GLIS1: variants seen among roughly 807,000 people sequenced by gnomAD.
The protein encoded by GLIS1 is zinc finger protein GLIS1.
GLIS1 carries 24 observed loss-of-function variants against 63.8 expected under a neutral mutation model. The observed-to-expected ratio is 0.38, with a 90% CI of 0.27 to 0.53. GLIS1 has a LOEUF of 0.53. GLIS1 is among the 20% of genes least tolerant of loss of function. The pLI, the probability that GLIS1 is intolerant of heterozygous loss-of-function variation, is 0.85. For synonymous variants in GLIS1, 450 were observed against 482.5 expected (o/e 0.93, Z 0.88); for missense variants, 1,036 against 1,074.1 (o/e 0.96, Z 0.50).
intron 2 of GLIS1, among the ~76,000 whole-genome samples, chr1:53,693,332 T>C (rs6658245): frequency 0.25 from 38,418 of 152,090 alleles, 5,218 homozygotes; most frequent in African/African-American, 0.36. Flanking sequence ...AGGCCACCAA[T>C]ATGGCCAACT....
At chr1:53,591,159 G>A (rs1295088190) in intron 4 of GLIS1, among the ~76,000 whole-genome samples, 1 of 152,212 alleles carries the variant, frequency 6.6e-6, no homozygotes, top group East Asian at 1.9e-4. Context: ...TACAGTGCAT[G>A]GTAGCAGAGG....
intron 1 of GLIS1, among the ~76,000 whole-genome samples, chr1:53,738,340 C>T (rs1015804358): frequency 6.6e-6 from 1 of 152,306 alleles, no homozygotes; most frequent in Middle Eastern, 3.4e-3. Flanking sequence ...CAGGCCCCCG[C>T]GCCGCGGCGC....
At chr1:53,719,055 C>T (rs574960285) in intron 2 of GLIS1, among the ~76,000 whole-genome samples, 1 of 152,314 alleles carries the variant, frequency 6.6e-6, no homozygotes, top group South Asian at 2.1e-4. Flanking sequence ...CACTTCCAGC[C>T]TCTCTCCTCT....
At chr1:53,529,706 G>A (rs1644508868) in intron 5 of GLIS1, 85 bp downstream of exon 5, 1 of 1,408,160 alleles carries the variant, frequency 7.1e-7, no homozygotes. Flanking sequence ...GGGGCTACAG[G>A]GTAAGGCAGG....
intron 3 of GLIS1, among the ~76,000 whole-genome samples, chr1:53,597,899 C>A (rs1645275557): frequency 8.2e-6 from 1 of 122,274 alleles, no homozygotes; most frequent in Non-Finnish European, 1.9e-5. Flanking sequence ...TTCTGACTAT[C>A]TCTAGCAAAA....
intron 4 of GLIS1, among the ~76,000 whole-genome samples, chr1:53,556,946 T>C (rs941937069): frequency 1.3e-5 from 2 of 151,618 alleles, no homozygotes; most frequent in African/African-American, 4.9e-5. Flanking sequence ...GGTATGTGTG[T>C]GTGTGTGCAG....
chr1:53,533,013 C>G (rs567284896), intron 4 of GLIS1, among the ~76,000 whole-genome samples: 1 of 152,262 alleles, frequency 6.6e-6, no homozygotes, highest in African/African-American at 2.4e-5. Context: ...ACGCTCCACG[C>G]GTGATCTGCA....
intron 2 of GLIS1, among the ~76,000 whole-genome samples, chr1:53,720,081 C>T (rs1327793615): frequency 2.0e-5 from 3 of 152,174 alleles, no homozygotes; most frequent in Non-Finnish European, 4.4e-5. Context: ...GAGTCTGAGG[C>T]AGGAGAATTG....
At chr1:53,678,354 G>C (rs1646238769) in intron 2 of GLIS1, among the ~76,000 whole-genome samples, 1 of 132,418 alleles carries the variant, frequency 7.6e-6, no homozygotes, top group Non-Finnish European at 1.6e-5. Flanking sequence ...GGGCAGGGGG[G>C]AGCGGGGTCA....
chr1:53,685,346 G>A (rs1228860623), intron 2 of GLIS1, among the ~76,000 whole-genome samples: 4 of 152,330 alleles, frequency 2.6e-5, no homozygotes, highest in African/African-American at 7.2e-5. Flanking sequence ...GGAGGACCGC[G>A]TCCCCAGAGC....
intron 2 of GLIS1, among the ~76,000 whole-genome samples, chr1:53,641,016 A>G (rs546104199): frequency 6.6e-6 from 1 of 152,304 alleles, no homozygotes; most frequent in South Asian, 2.1e-4. Flanking sequence ...CCAGCTGATG[A>G]TGGATGGTTT....
At chr1:53,533,036 T>C (rs1004476914) in intron 4 of GLIS1, among the ~76,000 whole-genome samples, 1 of 152,274 alleles carries the variant, frequency 6.6e-6, no homozygotes, top group Non-Finnish European at 1.5e-5. Flanking sequence ...AGTGAGACTG[T>C]GTCTGAACAG....
At chr1:53,701,849 C>T (rs745949968) in intron 2 of GLIS1, among the ~76,000 whole-genome samples, 3 of 151,770 alleles carry the variant, frequency 2.0e-5, no homozygotes, top group South Asian at 2.1e-4. Flanking sequence ...AAAAATTAGC[C>T]GGGCGTGGTG....
intron 2 of GLIS1, among the ~76,000 whole-genome samples, chr1:53,717,649 T>G (rs1646714240): frequency 6.6e-6 from 1 of 152,202 alleles, no homozygotes. Context: ...CTATCCTGAC[T>G]GCACTGTAAC....
intron 2 of GLIS1, among the ~76,000 whole-genome samples, chr1:53,628,291 G>C (rs754677231): frequency 6.6e-6 from 1 of 152,166 alleles, no homozygotes; most frequent in Non-Finnish European, 1.5e-5. Context: ...TTTGTCACTA[G>C]AGAGCTAGCC....
rs1305792318 is a variant in GLIS1 at position 53,621,498 on chromosome 1, ATG to A, written c.260-21222_260-21221del. 2.0e-5 allele frequency among the ~76,000 whole-genome samples: 3 copies of A among 152,264 alleles called. No individual in the cohort carries two copies. The South Asian group carries it at 6.2e-4, about 32-fold the overall frequency. ...CCAAGTGCCAGTTGGCTAAAAATCA[ATG>A]TGTCAAATGACCAATTCGTCAAAAG... On this transcript the variant is annotated intron_variant, in intron 2 of 10. Transcript: ENST00000628545.
chr1:53,666,671 A>G (rs909682980), intron 2 of GLIS1, among the ~76,000 whole-genome samples: 1 of 152,204 alleles, frequency 6.6e-6, no homozygotes, highest in Non-Finnish European at 1.5e-5. Context: ...CCAGAAACAC[A>G]GCAGAGAGAG....
chr1:53,679,023 C>G (rs902201831), intron 2 of GLIS1, among the ~76,000 whole-genome samples: 1 of 152,238 alleles, frequency 6.6e-6, no homozygotes, highest in African/African-American at 2.4e-5. Context: ...CCCCCCACCT[C>G]TCATGTCCTC....
chr1:53,654,366 G>A (rs542287977), intron 2 of GLIS1, among the ~76,000 whole-genome samples: 1 of 152,326 alleles, frequency 6.6e-6, no homozygotes, highest in Admixed American at 6.5e-5. Context: ...TAGGCGGTGA[G>A]AGGAGCAGGT....
Sources: allele counts gnomAD v4.1 joint callset (sites outside exome capture counted in the v4.1 genomes callset), GRCh38; gene constraint gnomAD v4.1.1; transcripts MANE v1.5; gene names NCBI Gene and HGNC (gene_info 2026-07-23, HGNC 2026-07-21).